TAFA2: variants seen among roughly 807,000 people sequenced by gnomAD.
The protein encoded by TAFA2 is TAFA chemokine like family member 2.
TAFA2 carries 7 observed loss-of-function variants against 18.8 expected under a neutral mutation model. The observed-to-expected ratio is 0.37, with a 90% CI of 0.21 to 0.70. TAFA2 has a LOEUF of 0.70. Among genes scored for constraint, TAFA2 ranks in the 30% least tolerant of loss-of-function variants. The pLI, the probability that TAFA2 is intolerant of heterozygous loss-of-function variation, is 0.53. For synonymous variants in TAFA2, 60 were observed against 54.2 expected, an observed-to-expected ratio of 1.11 and a Z score of -0.47; for missense variants, 122 against 158.1, an observed-to-expected ratio of 0.77 and a Z score of 1.23.
intron 1 of TAFA2, among the ~76,000 whole-genome samples, chr12:62,049,058 T>C (rs1157857510): frequency 1.3e-5 from 2 of 152,154 alleles, no homozygotes; most frequent in Non-Finnish European, 2.9e-5. Flanking sequence ...GGAGGAGATA[T>C]ATGAAAGAAT....
chr12:61,880,601 T>G (rs1875083512), intron 1 of TAFA2: 4 of 430,532 alleles, frequency 9.3e-6, no homozygotes, highest in South Asian at 7.0e-5. Flanking sequence ...GAGCTCGGCC[T>G]ATGGGGGCCT....
At chr12:61,958,350 G>A (rs1041248317) in intron 1 of TAFA2, among the ~76,000 whole-genome samples, 2 of 151,862 alleles carry the variant, frequency 1.3e-5, no homozygotes, top group South Asian at 2.1e-4. Context: ...TTTCTTATAC[G>A]TATATGCTTT....
At chr12:62,258,646 T>A in intron 1 of TAFA2, 1 of 234,826 alleles carries the variant, frequency 4.3e-6, no homozygotes, top group South Asian at 3.7e-5. Context: ...AAACACAAAT[T>A]GTTTCATTTA....
At chr12:61,937,812 T>G (rs925212879) in intron 1 of TAFA2, among the ~76,000 whole-genome samples, 1 of 151,990 alleles carries the variant, frequency 6.6e-6, no homozygotes, top group Non-Finnish European at 1.5e-5. Flanking sequence ...AAATGGGACC[T>G]AATTAAACAA....
In TAFA2 at chr12:62,180,851, T is replaced by C. The variant is rs552844342; in HGVS notation, c.-2+10408A>G. Among the ~76,000 whole-genome samples the C allele has an allele frequency of 2.0e-5, 3 of 152,292 alleles. No individual in the cohort carries two copies. In the South Asian group the frequency reaches 6.2e-4, roughly 32 times the overall value. On this transcript the variant is annotated intron_variant, in intron 1 of 4. Transcript: ENST00000416284. ...TGATAAATTACAAAAATGGTAATTATGTAGATAAGAATAAATGGCTTTAAA... is the reference window on the plus strand; with the variant it reads ...TGATAAATTACAAAAATGGTAATTACGTAGATAAGAATAAATGGCTTTAAA...
At chr12:62,059,056 T>TTA (rs1882268838) in intron 1 of TAFA2, among the ~76,000 whole-genome samples, 1 of 151,788 alleles carries the variant, frequency 6.6e-6, no homozygotes, top group Non-Finnish European at 1.5e-5. Flanking sequence ...TGAGCCGAGA[T>TTA]CACGGCACTG....
At chr12:61,982,645 CA>C (rs1879677073) in intron 1 of TAFA2, among the ~76,000 whole-genome samples, 2 of 152,074 alleles carry the variant, frequency 1.3e-5, no homozygotes, top group South Asian at 4.1e-4. Flanking sequence ...TCAGTCCCCT[CA>C]GTATGGAGAT....
At chr12:61,866,471 T>G (rs757394144) in intron 2 of TAFA2, among the ~76,000 whole-genome samples, 2 of 152,212 alleles carry the variant, frequency 1.3e-5, no homozygotes, top group Non-Finnish European at 2.9e-5. Context: ...AGAACTAAAT[T>G]ATAAAATCAT....
chr12:61,872,049 G>A (rs140147826), intron 1 of TAFA2, among the ~76,000 whole-genome samples: 325 of 143,566 alleles, frequency 2.3e-3, no homozygotes, highest in African/African-American at 7.1e-3. Context: ...CTCATACTGC[G>A]CCACCGCACT....
intron 1 of TAFA2, among the ~76,000 whole-genome samples, chr12:62,132,284 G>T (rs1322795129): frequency 1.5e-5 from 2 of 133,962 alleles, no homozygotes; most frequent in Admixed American, 7.7e-5. Context: ...TATTAAGAAA[G>T]GCCCACAGTT....
chr12:62,236,919 G>C (rs908244635), intron 1 of TAFA2, among the ~76,000 whole-genome samples: 6 of 152,068 alleles, frequency 3.9e-5, no homozygotes, highest in African/African-American at 1.4e-4. Flanking sequence ...TATACGCCTT[G>C]AGGTAGTCTT....
intron 1 of TAFA2, among the ~76,000 whole-genome samples, chr12:62,099,676 C>A (rs79772567): frequency 6.6e-6 from 1 of 152,112 alleles, no homozygotes; most frequent in African/African-American, 2.4e-5. Flanking sequence ...TATGAGGAGG[C>A]AAATAATACA....
chr12:61,846,106 T>C (rs898454236), intron 2 of TAFA2, among the ~76,000 whole-genome samples: 6 of 152,168 alleles, frequency 3.9e-5, no homozygotes, highest in Non-Finnish European at 8.8e-5. Context: ...CTTTGAAATA[T>C]GAAACTTTAG....
Position 61,907,891 on chromosome 12 carries a change from A to G in TAFA2, c.-1-40465T>C, listed in dbSNP as rs78647536. 7.5e-3 allele frequency among the ~76,000 whole-genome samples: 1,143 copies of G among 152,224 alleles called. 11 individuals are homozygous for G. Among genetic ancestry groups the G allele is most frequent in the African/African-American group, 0.027 (1,103 of 41,554 alleles). On this transcript the variant is annotated intron_variant, in intron 1 of 4. Transcript: ENST00000416284. ...AACTTTAAGTTTTAATGACTGCCCT[A>G]TTGAATTTTGGGCTTGCATGAGGCC...
At chr12:62,115,224 C>T (rs141907688) in intron 1 of TAFA2, among the ~76,000 whole-genome samples, 2 of 152,118 alleles carry the variant, frequency 1.3e-5, no homozygotes, top group African/African-American at 4.8e-5. Context: ...CTGAAAACAC[C>T]AAAATTTGCA....
intron 1 of TAFA2, among the ~76,000 whole-genome samples, chr12:61,869,757 C>T (rs1490006722): frequency 6.6e-6 from 1 of 152,090 alleles, no homozygotes; most frequent in Non-Finnish European, 1.5e-5. Flanking sequence ...CGTTCTATTG[C>T]CTTTGTTTCC....
At chr12:61,817,480 G>A (rs1872131799) in intron 2 of TAFA2, among the ~76,000 whole-genome samples, 1 of 151,984 alleles carries the variant, frequency 6.6e-6, no homozygotes, top group Non-Finnish European at 1.5e-5. Context: ...AACTTATATG[G>A]CTTTGACTTA....
intron 2 of TAFA2, among the ~76,000 whole-genome samples, chr12:61,855,638 G>A (rs1873851940): frequency 6.6e-6 from 1 of 151,806 alleles, no homozygotes; most frequent in South Asian, 2.1e-4. Context: ...AAAGAGTTTT[G>A]AAGTAAAAAT....
At chr12:62,127,533 GT>G (rs1350252559) in intron 1 of TAFA2, among the ~76,000 whole-genome samples, 1 of 151,950 alleles carries the variant, frequency 6.6e-6, no homozygotes, top group Non-Finnish European at 1.5e-5. Context: ...ATTAATAAAA[GT>G]TTTTACCTTT....
Sources: gnomAD v4.1 joint callset for allele counts (sites outside exome capture counted in the v4.1 genomes callset) on GRCh38, gnomAD v4.1.1 for gene constraint, MANE v1.5 for transcripts, NCBI Gene and HGNC (gene_info 2026-07-23, HGNC 2026-07-21) for gene names.